DHDH: variants seen among roughly 807,000 people sequenced by gnomAD.
DHDH encodes the protein trans-1,2-dihydrobenzene-1,2-diol dehydrogenase.
Under a neutral mutation model 33.2 loss-of-function variants are expected in DHDH, and 29 were observed. That is an observed-to-expected ratio of 0.87 (90% CI 0.65 to 1.19). The LOEUF is 1.19. DHDH is among the 50% of genes most tolerant of loss of function. The pLI is 0.00. For missense variants in DHDH, 431 were observed against 455.0 expected (o/e 0.95, Z 0.48); for synonymous variants, 201 against 187.9 (o/e 1.07, Z -0.57).
chr19:48,938,429 A>G (rs1453450631), intron 3 of DHDH, among the ~76,000 whole-genome samples: 1 of 151,576 alleles, frequency 6.6e-6, no homozygotes, highest in African/African-American at 2.4e-5. Context: ...TGTTGTTGTC[A>G]TTTTGCATTT....
At chr19:48,937,600 C>A (rs2037797009) in intron 3 of DHDH, among the ~76,000 whole-genome samples, 1 of 151,714 alleles carries the variant, frequency 6.6e-6, no homozygotes, top group African/African-American at 2.4e-5. Context: ...ATCACGACGT[C>A]AGGAGATCGA....
chr19:48,942,672 G>A, intron 5 of DHDH, 108 bp downstream of exon 5: 1 of 1,474,088 alleles, frequency 6.8e-7, no homozygotes, highest in East Asian at 2.4e-5. Flanking sequence ...TCACATCATT[G>A]CTAAAGAGTT....
chr19:48,940,417 G>A (rs1474602663), intron 4 of DHDH, among the ~76,000 whole-genome samples: 1 of 151,674 alleles, frequency 6.6e-6, no homozygotes. Flanking sequence ...CACTCAGCTG[G>A]AAAGTATCCA....
In DHDH at chr19:48,935,094, C is replaced by A; in HGVS notation, c.185C>A (p.Ala62Asp). Residue 62 changes from alanine (A) to aspartate (D), a missense_variant, in exon 2 of 7, where the codon GCC becomes GAC. By Grantham distance (126) the Ala-to-Asp change is moderately radical (BLOSUM62 -2). Coordinates refer to ENST00000221403, the MANE Select transcript of DHDH (RefSeq NM_014475.4). ...GCCTACGGCTCCTATGAGGAGCTGGCCAAGGACCCGAGCGTGGGTGAGTGG... is the reference window on the plus strand; with the variant it reads ...GCCTACGGCTCCTATGAGGAGCTGGACAAGGACCCGAGCGTGGGTGAGTGG... ...PKAYGSYEEL[A>D]KDPSVEVAYI... 1 of 1,579,958 alleles carries A rather than the reference C, an allele frequency of 6.3e-7. No homozygotes were observed.
At chr19:48,933,471 A>C (rs548285082), upstream of DHDH, among the ~76,000 whole-genome samples, 1 of 152,174 alleles carries the variant, frequency 6.6e-6, no homozygotes, top group Non-Finnish European at 1.5e-5. Flanking sequence ...CGACGAGCCT[A>C]AAGTCATAGG....
chr19:48,937,394 G>C (rs1353259548), intron 3 of DHDH, among the ~76,000 whole-genome samples: 1 of 152,110 alleles, frequency 6.6e-6, no homozygotes, highest in Admixed American at 6.6e-5. Context: ...TGCTGGTGTG[G>C]GCCAGATGCG....
intron 4 of DHDH, among the ~76,000 whole-genome samples, chr19:48,940,671 T>C (rs1315224335): frequency 6.6e-6 from 1 of 152,028 alleles, no homozygotes; most frequent in Non-Finnish European, 1.5e-5. Context: ...CTGGCCAACA[T>C]GGTAAAACCC....
upstream of DHDH, chr19:48,933,534 C>G (rs2037730534): frequency 1.6e-6 from 1 of 611,720 alleles, no homozygotes. Context: ...TAAGGCGGAG[C>G]TAAACGGTGC....
chr19:48,941,557 G>T (rs543206077), intron 4 of DHDH, among the ~76,000 whole-genome samples: 29 of 151,828 alleles, frequency 1.9e-4, no homozygotes, highest in African/African-American at 7.0e-4. Flanking sequence ...ATGTTTGTTT[G>T]TTTTTTGTAG....
chr19:48,933,044 T>C (rs2037725281), upstream of DHDH, among the ~76,000 whole-genome samples: 1 of 152,116 alleles, frequency 6.6e-6, no homozygotes, highest in African/African-American at 2.4e-5. Context: ...GCAGCCTGGT[T>C]TCTAAAACTA....
Position 48,944,462 on chromosome 19 carries a change from G to T in DHDH, c.850G>T (p.Gly284Cys), listed in dbSNP as rs1224750099. The T allele has an allele frequency of 6.2e-7, 1 of 1,613,518 alleles. No homozygotes were observed. The highest frequency in any genetic ancestry group is 8.5e-7 in the Non-Finnish European group (1 of 1,179,562). The change falls in exon 6 of 7, where the codon GGC (glycine) becomes TGC (cysteine). Residue 284 changes from glycine (G) to cysteine (C), a missense_variant. Transcript: ENST00000221403. ...GGACTGCAATTTTGACAACGGGGCA[G>T]GCATGAGTTATGAGGCCAAGCACGT... is the stretch of plus-strand genomic sequence containing the variant. ...PKDCNFDNGAGMSYEAKHVWE... is the reference protein window; with the variant it reads ...PKDCNFDNGACMSYEAKHVWE...
In DHDH at chr19:48,940,167, C is replaced by T. The variant is rs543846419; in HGVS notation, c.619+466C>T. On this transcript the variant is annotated intron_variant, in intron 4 of 6. Coordinates refer to ENST00000221403, the MANE Select transcript of DHDH (RefSeq NM_014475.4). ...GTCAGGAGTTGGAGACCACCCTGGC[C>T]AATATGATGAAACCCCATCTCTACT... is the stretch of plus-strand genomic sequence containing the variant. Among the ~76,000 whole-genome samples, 3 of 151,852 alleles carry T rather than the reference C, an allele frequency of 2.0e-5. No individual in the cohort carries two copies. The South Asian group carries it at 6.3e-4, about 32-fold the overall frequency.
intron 5 of DHDH, among the ~76,000 whole-genome samples, chr19:48,943,286 T>C (rs2037891907): frequency 1.3e-5 from 2 of 151,944 alleles, no homozygotes; most frequent in African/African-American, 4.8e-5. Context: ...TTATCAACCA[T>C]GCTTAGTGGG....
At chr19:48,933,689 G>A (rs377625078), upstream of DHDH, 1 of 1,610,346 alleles carries the variant, frequency 6.2e-7, no homozygotes, top group Non-Finnish European at 8.5e-7. Flanking sequence ...CGCCTGGAGG[G>A]ACCGAAGGTG....
intron 2 of DHDH, 57 bp downstream of exon 2, chr19:48,935,168 G>A: frequency 1.4e-6 from 2 of 1,398,718 alleles, no homozygotes; most frequent in South Asian, 2.8e-5. Flanking sequence ...GTGCCCCCTG[G>A]CTGCCCCCTG....
chr19:48,944,559 C>T (rs1162226042), intron 6 of DHDH, 52 bp downstream of exon 6: 1 of 1,544,044 alleles, frequency 6.5e-7, no homozygotes, highest in African/African-American at 1.4e-5. Context: ...GGATGTTGGG[C>T]CCCTCCCCAC....
rs3830420 is a variant in DHDH, at chr19:48,939,592, T to TGG, written c.516_517dup (p.Ala173GlyfsTer69). 48 of 1,613,748 alleles carry TGG rather than the reference T, an allele frequency of 3.0e-5. No homozygotes were observed. The highest frequency in any genetic ancestry group is 2.3e-4 in the South Asian group (21 of 91,050). On this transcript the variant is annotated frameshift_variant, in exon 4 of 7. Transcript: ENST00000221403. LOFTEE classifies it high-confidence loss of function. Reference sequence around the variant, plus strand: ...CCCGGGCCGTAGACCGGGCCCAGGCTGGGGGGGCCCTGCTGGACATCGGCA... The same window carrying TGG: ...CCCGGGCCGTAGACCGGGCCCAGGCTGGGGGGGGGCCCTGCTGGACATCGGCA...
intron 4 of DHDH, among the ~76,000 whole-genome samples, chr19:48,941,406 G>A (rs2037857884): frequency 6.6e-6 from 1 of 152,016 alleles, no homozygotes. Flanking sequence ...TTTTTAGATA[G>A]TATCTCACTT....
chr19:48,933,677 C>T, upstream of DHDH: 3 of 1,594,216 alleles, frequency 1.9e-6, no homozygotes, highest in Non-Finnish European at 2.6e-6. Context: ...GTACTTAATT[C>T]GCGCCTGGAG....
Sources: allele counts gnomAD v4.1 joint callset (sites outside exome capture counted in the v4.1 genomes callset), GRCh38; gene constraint gnomAD v4.1.1; transcripts MANE v1.5; gene names NCBI Gene and HGNC (gene_info 2026-07-23, HGNC 2026-07-21).